Variants in REC114 observed in about 807,000 individuals in gnomAD.
REC114 encodes REC114 meiotic recombination protein.
In REC114, 27 loss-of-function variants were observed where a neutral mutation model predicts 31.3. That is an observed-to-expected ratio of 0.86 (90% confidence interval 0.64 to 1.19). REC114 has a LOEUF of 1.19. Among genes scored for constraint, REC114 ranks in the 50% most tolerant of loss-of-function variants. REC114 has a pLI of 0.00. For synonymous variants in REC114, 134 were observed against 127.7 expected, an observed-to-expected ratio of 1.05 and a Z score of -0.33; for missense variants, 344 against 326.9, an observed-to-expected ratio of 1.05 and a Z score of -0.40.
intron 2 of REC114, among the ~76,000 whole-genome samples, chr15:73,528,721 T>C (rs1894037638): frequency 6.6e-6 from 1 of 152,234 alleles, no homozygotes; most frequent in South Asian, 2.1e-4. Flanking sequence ...CTTATTTGTT[T>C]ATGTATTGTT....
chr15:73,447,521 G>A (rs985892458), intron 1 of REC114, among the ~76,000 whole-genome samples: 4 of 152,008 alleles, frequency 2.6e-5, no homozygotes, highest in Non-Finnish European at 4.4e-5. Context: ...TGGCCAACAT[G>A]GTGAAACCCG....
intron 4 of REC114, among the ~76,000 whole-genome samples, chr15:73,554,511 GT>G (rs1894435616): frequency 6.6e-6 from 1 of 152,142 alleles, no homozygotes; most frequent in Non-Finnish European, 1.5e-5. Flanking sequence ...TCATATTTTA[GT>G]TTTTGCTTTT....
chr15:73,467,389 A>G (rs938196978), intron 1 of REC114, among the ~76,000 whole-genome samples: 1 of 152,040 alleles, frequency 6.6e-6, no homozygotes, highest in African/African-American at 2.4e-5. Flanking sequence ...CCAACATCCC[A>G]CCTTTGGTAT....
At chr15:73,529,789 G>T (rs757709252) in intron 2 of REC114, among the ~76,000 whole-genome samples, 14 of 152,142 alleles carry the variant, frequency 9.2e-5, no homozygotes, top group Admixed American at 1.3e-4. Context: ...TTATTGTTGG[G>T]TGGTTATTTG....
chr15:73,559,720 A>C, intron 5 of REC114, 32 bp from the exon 6 acceptor site: 4 of 1,509,460 alleles, frequency 2.6e-6, no homozygotes, highest in Non-Finnish European at 2.6e-6. Context: ...TTTTACCTGT[A>C]ATCTGTAACG....
chr15:73,558,672 G>A (rs1053480828), intron 5 of REC114, among the ~76,000 whole-genome samples: 1 of 151,812 alleles, frequency 6.6e-6, no homozygotes, highest in African/African-American at 2.4e-5. Flanking sequence ...ACCAAACCCT[G>A]GATGGGTGAG....
intron 2 of REC114, among the ~76,000 whole-genome samples, chr15:73,534,692 C>G (rs911730390): frequency 6.6e-6 from 1 of 152,128 alleles, no homozygotes; most frequent in African/African-American, 2.4e-5. Flanking sequence ...AAGCCAGCAT[C>G]ATTCTGATAC....
chr15:73,522,403 A>G (rs1034517375), intron 2 of REC114, among the ~76,000 whole-genome samples: 1 of 152,172 alleles, frequency 6.6e-6, no homozygotes, highest in African/African-American at 2.4e-5. Flanking sequence ...AACTACCACC[A>G]CCACAATCAA....
intron 2 of REC114, among the ~76,000 whole-genome samples, chr15:73,497,728 CAG>C (rs1000686454): frequency 9.9e-5 from 15 of 152,220 alleles, no homozygotes; most frequent in Admixed American, 6.5e-4. Flanking sequence ...ATTCAGAGAA[CAG>C]GGGCTCTTTT....
chr15:73,464,442 CTGT>C (rs761513730), intron 1 of REC114, among the ~76,000 whole-genome samples: 5 of 152,108 alleles, frequency 3.3e-5, no homozygotes, highest in African/African-American at 4.8e-5. Context: ...TTTGGGTTTT[CTGT>C]TGTTCTTCAT....
intron 2 of REC114, among the ~76,000 whole-genome samples, chr15:73,532,238 G>A (rs1171268657): frequency 6.7e-6 from 1 of 149,890 alleles, no homozygotes; most frequent in African/African-American, 2.5e-5. Flanking sequence ...TGCGGTGTTT[G>A]GTTTTTTGTT....
At chr15:73,502,629 G>A (rs1893618194) in intron 2 of REC114, among the ~76,000 whole-genome samples, 1 of 152,090 alleles carries the variant, frequency 6.6e-6, no homozygotes, top group African/African-American at 2.4e-5. Flanking sequence ...AGGAGTAAGA[G>A]GAGGGATTGG....
At chr15:73,489,481 C>T (rs932955399) in intron 2 of REC114, among the ~76,000 whole-genome samples, 2 of 151,934 alleles carry the variant, frequency 1.3e-5, no homozygotes, top group East Asian at 3.9e-4. Flanking sequence ...GTTGGGATTA[C>T]AGGCGTGAGC....
chr15:73,484,120 C>T (rs1279334694), intron 2 of REC114, among the ~76,000 whole-genome samples: 1 of 152,158 alleles, frequency 6.6e-6, no homozygotes, highest in African/African-American at 2.4e-5. Context: ...TACACACACA[C>T]ATGCATACAC....
intron 1 of REC114, among the ~76,000 whole-genome samples, chr15:73,451,675 CA>C (rs1239456823): frequency 1.3e-5 from 2 of 151,600 alleles, no homozygotes; most frequent in Non-Finnish European, 2.9e-5. Flanking sequence ...AGAGACACAA[CA>C]AAAAAAACGA....
chr15:73,469,628 C>T (rs1415096473), intron 1 of REC114, among the ~76,000 whole-genome samples: 4 of 151,052 alleles, frequency 2.6e-5, no homozygotes, highest in Non-Finnish European at 5.9e-5. Context: ...TCAAGTCTTG[C>T]CATGTTGCCC....
In REC114 at chr15:73,551,165, G is replaced by T; in HGVS notation, c.546+15G>T. On this transcript the variant is annotated intron_variant, in intron 4 of 5. Transcript: ENST00000331090. ...GGCAGCCTGGAGTAAGTAGGCTGAT[G>T]TGTTGGTTATACAGGAAACATGACA... The T allele has an allele frequency of 6.3e-7, 1 of 1,581,826 alleles. No homozygotes were observed. The highest frequency in any genetic ancestry group is 8.6e-7 in the Non-Finnish European group (1 of 1,163,584).
At chr15:73,454,438 G>A (rs1234049957) in intron 1 of REC114, among the ~76,000 whole-genome samples, 5 of 152,176 alleles carry the variant, frequency 3.3e-5, no homozygotes, top group Non-Finnish European at 7.4e-5. Context: ...TGTAGCCAAT[G>A]TGCACAGACA....
At chr15:73,494,561 T>C (rs963425959) in intron 2 of REC114, among the ~76,000 whole-genome samples, 1 of 152,198 alleles carries the variant, frequency 6.6e-6, no homozygotes, top group Non-Finnish European at 1.5e-5. Flanking sequence ...TTATTTTTCT[T>C]TTTTTCTAAA....
Sources: gnomAD v4.1 joint callset for allele counts (sites outside exome capture counted in the v4.1 genomes callset) on GRCh38, gnomAD v4.1.1 for gene constraint, MANE v1.5 for transcripts, NCBI Gene and HGNC (gene_info 2026-07-23, HGNC 2026-07-21) for gene names.